Variants in CPNE5 observed in about 807,000 individuals in gnomAD.
The protein encoded by CPNE5 is copine 5.
In CPNE5, 42 loss-of-function variants were observed where a neutral mutation model predicts 81.1. That is an observed-to-expected ratio of 0.52 (90% CI 0.40 to 0.67). The LOEUF (loss-of-function observed/expected upper bound fraction) is 0.67, where lower values mean the gene tolerates loss of function less well. Ranked by LOEUF, CPNE5 falls within the 30% of genes least tolerant of loss-of-function variation. CPNE5 has a pLI of 0.00. For missense variants in CPNE5, 612 were observed against 815.5 expected (o/e 0.75, Z 3.04); for synonymous variants, 313 against 321.5 (o/e 0.97, Z 0.28).
intron 3 of CPNE5, among the ~76,000 whole-genome samples, chr6:36,813,804 C>A (rs757617717): frequency 6.6e-6 from 1 of 152,200 alleles, no homozygotes; most frequent in Non-Finnish European, 1.5e-5. Context: ...TGGCACCACT[C>A]AAGACTCAGC....
intron 5 of CPNE5, 73 bp from the exon 6 acceptor site, chr6:36,798,314 C>T (rs776048820): frequency 5.1e-5 from 78 of 1,532,402 alleles, no homozygotes; most frequent in Non-Finnish European, 6.5e-5. Context: ...CCCCATCGCC[C>T]AATTCCTGGA....
In CPNE5 at chr6:36,742,122, T is replaced by G; in HGVS notation, c.*146A>C. On this transcript the variant is annotated 3_prime_UTR_variant, in exon 21 of 21. Coordinates refer to ENST00000244751, the MANE Select transcript of CPNE5 (RefSeq NM_020939.2). ...GTGAGGCCAAGAAATTGAGGAGGGGTCTTCAGAAGCCCCACCCCCTGGCAG... is the reference window on the plus strand; with the variant it reads ...GTGAGGCCAAGAAATTGAGGAGGGGGCTTCAGAAGCCCCACCCCCTGGCAG... 1.6e-6 allele frequency: 1 copy of G among 612,994 alleles called. No homozygotes were observed. The highest frequency in any genetic ancestry group is 2.9e-5 in the East Asian group (1 of 34,882). 38.0% of individuals were successfully genotyped at this position (612,994 alleles called of 1,614,324 possible).
intron 10 of CPNE5, among the ~76,000 whole-genome samples, chr6:36,768,258 A>T (rs1247378857): frequency 8.0e-5 from 2 of 25,002 alleles, no homozygotes; most frequent in Non-Finnish European, 1.2e-4. Flanking sequence ...TTTTTGAGAC[A>T]GAGTCTCGCT....
chr6:36,744,570 C>T (rs1763917450), intron 18 of CPNE5: 1 of 568,738 alleles, frequency 1.8e-6, no homozygotes, highest in East Asian at 2.9e-5. Flanking sequence ...GGTCATAGGT[C>T]TGCTTTGGTG....
intron 4 of CPNE5, 66 bp downstream of exon 4, chr6:36,799,901 G>T: frequency 8.5e-7 from 1 of 1,182,054 alleles, no homozygotes; most frequent in Non-Finnish European, 1.3e-6. Context: ...CCACAGGTCT[G>T]TGGTCCTACC....
intron 1 of CPNE5, among the ~76,000 whole-genome samples, chr6:36,824,424 CCCTT>C (rs67308023): frequency 0.11 from 16,248 of 152,182 alleles, 1,028 homozygotes; most frequent in East Asian, 0.23. Context: ...GCCAGACAAG[CCCTT>C]CCTGCCTGTG....
intron 10 of CPNE5, among the ~76,000 whole-genome samples, chr6:36,771,325 C>G (rs1036657493): frequency 6.6e-6 from 1 of 152,162 alleles, no homozygotes; most frequent in African/African-American, 2.4e-5. Context: ...GCCAGGCTGC[C>G]GGGGTCCACA....
chr6:36,797,201 C>T (rs565507441), intron 6 of CPNE5, among the ~76,000 whole-genome samples: 14 of 152,330 alleles, frequency 9.2e-5, no homozygotes, highest in East Asian at 3.9e-4. Context: ...CCACCGTGCC[C>T]GGTTCACACT....
In CPNE5 at chr6:36,796,622, T is replaced by C. The variant is rs115277883; in HGVS notation, c.404+1543A>G. Among the ~76,000 whole-genome samples, 593 of 152,332 alleles carry C rather than the reference T, an allele frequency of 3.9e-3. 5 individuals are homozygous for C. The highest frequency in any genetic ancestry group is 0.013 in the African/African-American group (551 of 41,568). ...AGAATATAAAATTACGAATGAAAAC[T>C]GTTAGAAATAAGTCCTAAGAGGGAG... is the stretch of plus-strand genomic sequence containing the variant. On this transcript the variant is annotated intron_variant, in intron 6 of 20. Transcript: ENST00000244751.
intron 6 of CPNE5, among the ~76,000 whole-genome samples, chr6:36,797,134 T>C (rs917832032): frequency 6.6e-6 from 1 of 152,238 alleles, no homozygotes; most frequent in African/African-American, 2.4e-5. Context: ...CTCGAACTCC[T>C]GAGCTCAGGC....
intron 14 of CPNE5, among the ~76,000 whole-genome samples, chr6:36,750,624 C>T (rs1279485004): frequency 2.0e-5 from 3 of 152,220 alleles, no homozygotes; most frequent in South Asian, 4.1e-4. Flanking sequence ...TTATGTGTTA[C>T]AGCAGTTGAC....
chr6:36,817,700 C>T (rs143868823), intron 3 of CPNE5, among the ~76,000 whole-genome samples: 1 of 152,176 alleles, frequency 6.6e-6, no homozygotes, highest in African/African-American at 2.4e-5. Flanking sequence ...AAGTTGACTG[C>T]CCCAATGGTC....
intron 8 of CPNE5, among the ~76,000 whole-genome samples, chr6:36,788,662 C>T (rs1370143499): frequency 6.7e-6 from 1 of 148,316 alleles, no homozygotes; most frequent in African/African-American, 2.5e-5. Context: ...TGCTGTATTA[C>T]AGGCAGTAAC....
intron 6 of CPNE5, among the ~76,000 whole-genome samples, chr6:36,795,147 A>G (rs1667811057): frequency 1.3e-5 from 2 of 152,172 alleles, no homozygotes; most frequent in Non-Finnish European, 2.9e-5. Flanking sequence ...GAATGTGACT[A>G]TATTTGGAAA....
At chr6:36,742,843 GT>G in intron 20 of CPNE5, 1 of 985,322 alleles carries the variant, frequency 1.0e-6, no homozygotes, top group Non-Finnish European at 1.2e-6. Context: ...GCCCTCCTGG[GT>G]TTCCCCCGAC....
intron 7 of CPNE5, among the ~76,000 whole-genome samples, chr6:36,793,599 C>T (rs1016891486): frequency 3.9e-5 from 6 of 152,068 alleles, no homozygotes; most frequent in Admixed American, 1.3e-4. Context: ...CCTTCTTGGC[C>T]TTCCTTTCTC....
intron 9 of CPNE5, among the ~76,000 whole-genome samples, chr6:36,775,611 C>G (rs922585434): frequency 6.6e-6 from 1 of 152,174 alleles, no homozygotes; most frequent in Non-Finnish European, 1.5e-5. Context: ...TACCTTCAAA[C>G]GCCATCTCCA....
chr6:36,765,214 T>A, intron 11 of CPNE5, 121 bp downstream of exon 11: 119 of 784,598 alleles, frequency 1.5e-4, no homozygotes, highest in Non-Finnish European at 2.0e-4. Context: ...AAACCCAGGC[T>A]CCCTCACCCC....
intron 3 of CPNE5, among the ~76,000 whole-genome samples, chr6:36,818,609 T>C (rs1355936810): frequency 6.6e-6 from 1 of 152,122 alleles, no homozygotes; most frequent in Non-Finnish European, 1.5e-5. Context: ...CGCAGGCCTA[T>C]AAGGTAGGAT....
Sources: allele counts gnomAD v4.1 joint callset (sites outside exome capture counted in the v4.1 genomes callset), GRCh38; gene constraint gnomAD v4.1.1; transcripts MANE v1.5; gene names NCBI Gene and HGNC (gene_info 2026-07-23, HGNC 2026-07-21).